Variants in HMCN1 observed in about 807,000 individuals in gnomAD.
The protein encoded by HMCN1 is hemicentin-1.
In HMCN1, 321 loss-of-function variants were observed where a neutral mutation model predicts 625.9. The observed-to-expected ratio is 0.51, with a 90% CI of 0.47 to 0.56. The LOEUF is 0.56. Among genes scored for constraint, HMCN1 ranks in the 20% least tolerant of loss-of-function variants. The probability of loss-of-function intolerance (pLI) is 0.00; values close to 1 mark genes in which losing one functional copy is unlikely to be tolerated. For missense variants in HMCN1, 6,588 were observed against 6,887.3 expected, an observed-to-expected ratio of 0.96 and a Z score of 1.54; for synonymous variants, 2,425 against 2,417.6, an observed-to-expected ratio of 1.00 and a Z score of -0.09.
intron 54 of HMCN1, 139 bp downstream of exon 54, chr1:186,076,761 C>A (rs897459923): frequency 2.6e-6 from 2 of 784,272 alleles, no homozygotes; most frequent in Non-Finnish European, 2.2e-6. Flanking sequence ...CCACTGGCAT[C>A]CACGTAGCTT....
At chr1:186,128,448 CA>C (rs1571392041) in intron 83 of HMCN1, among the ~76,000 whole-genome samples, 157 bp downstream of exon 83, 1 of 151,952 alleles carries the variant, frequency 6.6e-6, no homozygotes, top group African/African-American at 2.4e-5. Context: ...ACCCTCTACC[CA>C]ATATATATGT....
rs767597600 is a variant in HMCN1, at chr1:186,055,526, C to G, written c.6996C>G (p.Pro2332=). 6.2e-7 allele frequency: 1 copy of G among 1,612,874 alleles called. No homozygotes were observed. The highest frequency in any genetic ancestry group is 8.5e-7 in the Non-Finnish European group (1 of 1,179,268). ...TGACCTGGATGAAAGATGGCCACCC[C>G]TTGATCAAGGCAAAGGGAGTAGAAA... ...PTVTWMKDGH[P]LIKAKGVEIL... is the part of the protein sequence containing the mutation. The change falls in exon 45 of 107, where the codon CCC becomes CCG. Residue 2332 remains proline (P), a synonymous_variant. Transcript: ENST00000271588.
chr1:186,165,030 C>A, intron 97 of HMCN1, 81 bp from the exon 98 acceptor site: 2 of 1,204,006 alleles, frequency 1.7e-6, no homozygotes, highest in Middle Eastern at 1.9e-4. Context: ...GGCATATCTT[C>A]CCAGGGAAGA....
chr1:186,163,682 G>T (rs373078965), intron 97 of HMCN1, among the ~76,000 whole-genome samples: 1 of 152,098 alleles, frequency 6.6e-6, no homozygotes, highest in Admixed American at 6.5e-5. Context: ...CTTAATATAC[G>T]GCAGACACAT....
chr1:185,895,937 T>G (rs1411264753), intron 4 of HMCN1, among the ~76,000 whole-genome samples: 1 of 144,874 alleles, frequency 6.9e-6, no homozygotes, highest in Non-Finnish European at 1.5e-5. Context: ...TAGTCTCATT[T>G]AATAATTTTT....
At chr1:186,135,686 G>A (rs1649552325) in intron 86 of HMCN1, among the ~76,000 whole-genome samples, 1 of 152,108 alleles carries the variant, frequency 6.6e-6, no homozygotes, top group South Asian at 2.1e-4. Context: ...CTGCAGTCAT[G>A]AGTTCTTCCC....
intron 40 of HMCN1, among the ~76,000 whole-genome samples, chr1:186,041,643 T>C (rs1656214272): frequency 6.6e-6 from 1 of 152,074 alleles, no homozygotes; most frequent in Admixed American, 6.6e-5. Flanking sequence ...CTCACAATGC[T>C]CACAAAAGGG....
chr1:185,805,741 A>T (rs1368121581), intron 1 of HMCN1, among the ~76,000 whole-genome samples: 1 of 152,078 alleles, frequency 6.6e-6, no homozygotes, highest in Non-Finnish European at 1.5e-5. Context: ...GCGTATGTCT[A>T]ACCCTGACCC....
Position 185,962,571 on chromosome 1 carries a change from G to A in HMCN1, c.1882G>A (p.Glu628Lys). The A allele has an allele frequency of 6.2e-7, 1 of 1,610,022 alleles. No individual in the cohort carries two copies. The highest frequency in any genetic ancestry group is 1.3e-5 in the African/African-American group (1 of 74,956). ...PKNQSFTGGS[E>K]VSIMCSATGY... ...GAATCAGTCTTTCACAGGAGGGTCT[G>A]AGGTCTCCATCATGTGTTCTGCAAC... Residue 628 changes from glutamate (E) to lysine (K), a missense_variant, in exon 12 of 107, where the codon GAG becomes AAG. Physicochemically the swap from Glu to Lys is moderately conservative, Grantham distance 56. Around this residue, in one of 3 missense-constraint regions of HMCN1, gnomAD observed 4,628 missense variants for 4,853.1 expected, o/e 0.95. Coordinates refer to ENST00000271588, the MANE Select transcript of HMCN1 (RefSeq NM_031935.3).
chr1:186,108,299 T>TA (rs567765160), intron 70 of HMCN1, among the ~76,000 whole-genome samples, 162 bp from the exon 71 acceptor site: 1,900 of 149,018 alleles, frequency 0.013, 21 homozygotes, highest in Middle Eastern at 0.038. Flanking sequence ...TAAATAAGGT[T>TA]AAAAAAAAAA....
intron 72 of HMCN1, 120 bp downstream of exon 72, chr1:186,113,073 A>G: frequency 8.6e-7 from 1 of 1,161,218 alleles, no homozygotes; most frequent in Non-Finnish European, 1.2e-6. Context: ...ACTGCTTTTG[A>G]AAAAGGCAAC....
chr1:186,063,083 T>A (rs1469511372), intron 48 of HMCN1, among the ~76,000 whole-genome samples: 1 of 124,488 alleles, frequency 8.0e-6, no homozygotes, highest in Non-Finnish European at 1.6e-5. Flanking sequence ...TATATATATA[T>A]ATATATATAT....
chr1:185,766,627 C>T (rs1282223164), intron 1 of HMCN1, among the ~76,000 whole-genome samples: 1 of 151,984 alleles, frequency 6.6e-6, no homozygotes, highest in Non-Finnish European at 1.5e-5. Context: ...CTTAAATACA[C>T]CTTACCTAGG....
At chr1:185,812,159 G>A (rs1379091503) in intron 1 of HMCN1, among the ~76,000 whole-genome samples, 1 of 151,646 alleles carries the variant, frequency 6.6e-6, no homozygotes, top group African/African-American at 2.4e-5. Context: ...TTTTTTTTAG[G>A]GCAAGATATA....
At chr1:186,138,509 A>C (rs1322175215) in intron 89 of HMCN1, among the ~76,000 whole-genome samples, 1 of 152,146 alleles carries the variant, frequency 6.6e-6, no homozygotes, top group Non-Finnish European at 1.5e-5. Flanking sequence ...CAAGTAGAAA[A>C]TTTTCAGGTA....
rs774979781 is a variant in HMCN1, at chr1:185,865,851, A to C, written c.609A>C (p.Lys203Asn). 6.2e-7 allele frequency: 1 copy of C among 1,613,648 alleles called. No homozygotes were observed. ...SSGQVFHLDK[K>N]QVNEVLKWVE... ...GTCAAGTGTTCCATCTGGACAAAAA[A>C]CAAGTTAATGAGGTCAGTTTAATAA... Residue 203 changes from lysine to asparagine, a missense_variant, in exon 4 of 107, where the codon AAA becomes AAC. By Grantham distance (94) the Lys-to-Asn change is moderately conservative. Around this residue, in one of 3 missense-constraint regions of HMCN1, gnomAD observed 4,628 missense variants for 4,853.1 expected, o/e 0.95. Transcript: ENST00000271588.
At chr1:185,811,593 C>G (rs761438797) in intron 1 of HMCN1, among the ~76,000 whole-genome samples, 14 of 151,490 alleles carry the variant, frequency 9.2e-5, no homozygotes, top group Admixed American at 2.0e-4. Flanking sequence ...AAGACCCTGT[C>G]TCTTGAAAAA....
In HMCN1 at chr1:186,190,101, A is replaced by G. The variant is rs1653630018; in HGVS notation, c.*223A>G. Reference sequence around the variant, plus strand: ...AGAAAAGTCCCTTATTATTTTATTTATTACACTGGAGCAGTTACTTCCCAA... The same window carrying G: ...AGAAAAGTCCCTTATTATTTTATTTGTTACACTGGAGCAGTTACTTCCCAA... On this transcript the variant is annotated 3_prime_UTR_variant, in exon 107 of 107. Transcript: ENST00000271588. 3.4e-6 allele frequency: 2 copies of G among 580,330 alleles called. No homozygotes were observed. Among genetic ancestry groups the G allele is most frequent in the Non-Finnish European group, 6.1e-6 (2 of 325,412 alleles). 35.9% of individuals were successfully genotyped at this position (580,330 alleles called of 1,614,324 possible).
At chr1:185,735,192 G>A (rs1194255434) in intron 1 of HMCN1, 145 bp downstream of exon 1, 8 of 961,532 alleles carry the variant, frequency 8.3e-6, no homozygotes, top group African/African-American at 1.6e-5. Flanking sequence ...AGAATTACTT[G>A]CTGGCGTCTG....
Sources: allele counts gnomAD v4.1 joint callset (sites outside exome capture counted in the v4.1 genomes callset), GRCh38; gene constraint gnomAD v4.1.1; regional missense constraint gnomAD v4.1.1; transcripts MANE v1.5; gene names NCBI Gene and HGNC (gene_info 2026-07-23, HGNC 2026-07-21).